The following PLCB1 variants were observed in gnomAD, a reference collection of about 807,000 sequenced individuals.
PLCB1 encodes the protein 1-phosphatidylinositol 4,5-bisphosphate phosphodiesterase beta-1.
A neutral mutation model predicts 161.8 loss-of-function variants in PLCB1; 46 were observed. The observed-to-expected ratio is 0.28, with a 90% CI of 0.22 to 0.36. The LOEUF is 0.36. Among genes scored for constraint, PLCB1 ranks in the 10% least tolerant of loss-of-function variants. The pLI is 1.00. For synonymous variants in PLCB1, 517 were observed against 503.7 expected (o/e 1.03, Z -0.35); for missense variants, 1,016 against 1,472.5 (o/e 0.69, Z 5.07).
chr20:8,542,967 G>C (rs1985391335), intron 3 of PLCB1, among the ~76,000 whole-genome samples: 1 of 152,180 alleles, frequency 6.6e-6, no homozygotes, highest in Non-Finnish European at 1.5e-5. Context: ...TTATGTGGCA[G>C]GCCATATCAA....
chr20:8,183,209 A>G (rs2051865855), intron 2 of PLCB1, among the ~76,000 whole-genome samples: 1 of 152,190 alleles, frequency 6.6e-6, no homozygotes, highest in African/African-American at 2.4e-5. Context: ...TCTTTCCTTC[A>G]GGGTTCCAGT....
At chr20:8,359,462 A>C (rs1343938988) in intron 2 of PLCB1, among the ~76,000 whole-genome samples, 1 of 152,190 alleles carries the variant, frequency 6.6e-6, no homozygotes, top group Non-Finnish European at 1.5e-5. Context: ...ATTTCTTTTT[A>C]GCTATGGGTA....
chr20:8,378,173 C>T (rs1987151561), intron 3 of PLCB1, among the ~76,000 whole-genome samples: 2 of 152,108 alleles, frequency 1.3e-5, no homozygotes, highest in Non-Finnish European at 2.9e-5. Context: ...ATTGTTTAGC[C>T]CTAAAACAGA....
intron 2 of PLCB1, among the ~76,000 whole-genome samples, chr20:8,224,477 C>T (rs2876128): frequency 0.19 from 28,696 of 151,984 alleles, 2,821 homozygotes; most frequent in African/African-American, 0.23. Context: ...ATTGAGACTA[C>T]ATTTTGAAAT....
chr20:8,745,854 AT>A (rs1981142786), intron 23 of PLCB1, among the ~76,000 whole-genome samples: 1 of 152,170 alleles, frequency 6.6e-6, no homozygotes, highest in African/African-American at 2.4e-5. Flanking sequence ...AAGAAATAAA[AT>A]TTTAAAACCC....
At chr20:8,729,294 A>T (rs1159008764) in intron 18 of PLCB1, 120 bp downstream of exon 18, 55 of 886,996 alleles carry the variant, frequency 6.2e-5, no homozygotes, top group Non-Finnish European at 8.3e-5. Flanking sequence ...AAATAAAAGC[A>T]AATTTCAATG....
intron 4 of PLCB1, among the ~76,000 whole-genome samples, chr20:8,639,163 T>C (rs952596700): frequency 2.0e-5 from 3 of 152,166 alleles, no homozygotes; most frequent in Non-Finnish European, 2.9e-5. Flanking sequence ...GAAGGGGCTG[T>C]CTGCAAAGAG....
chr20:8,544,949 AT>A lies in PLCB1; in HGVS notation c.247-83338del, dbSNP rs369358355. On this transcript the variant is annotated intron_variant, in intron 3 of 31. Transcript: ENST00000338037. ...CTTTTACATTCTTGTATCCAGTAAC[AT>A]TTTTTTGAGCATCTGCTACTGAGTG... 4.3e-4 allele frequency among the ~76,000 whole-genome samples: 65 copies of A among 152,282 alleles called. 3 individuals are homozygous for A. In the East Asian group the frequency reaches 0.012, roughly 29 times the overall value.
intron 2 of PLCB1, among the ~76,000 whole-genome samples, chr20:8,290,354 G>A (rs1162187431): frequency 2.6e-5 from 4 of 152,158 alleles, no homozygotes; most frequent in Non-Finnish European, 5.9e-5. Flanking sequence ...AAGTGAGACA[G>A]GGAGAGGAGG....
At chr20:8,228,465 C>T (rs1029580077) in intron 2 of PLCB1, among the ~76,000 whole-genome samples, 15 of 152,174 alleles carry the variant, frequency 9.9e-5, no homozygotes, top group South Asian at 4.1e-4. Context: ...TGCATCCCCA[C>T]CCCCGCATTT....
intron 31 of PLCB1, among the ~76,000 whole-genome samples, chr20:8,845,591 C>G (rs1203492959): frequency 6.6e-6 from 1 of 152,140 alleles, no homozygotes; most frequent in Non-Finnish European, 1.5e-5. Flanking sequence ...ACAGAAAGTT[C>G]TATTGGGTCG....
At chr20:8,774,789 G>A (rs1982865657) in intron 27 of PLCB1, 70 bp downstream of exon 27, 2 of 1,354,064 alleles carry the variant, frequency 1.5e-6, no homozygotes, top group South Asian at 2.9e-5. Context: ...GGATACTTTT[G>A]GATAACTAAA....
At chr20:8,404,563 T>G (rs1978704231) in intron 3 of PLCB1, among the ~76,000 whole-genome samples, 2 of 152,222 alleles carry the variant, frequency 1.3e-5, no homozygotes, top group South Asian at 4.1e-4. Flanking sequence ...CTTGGAAAAC[T>G]AATATTTCAA....
intron 12 of PLCB1, among the ~76,000 whole-genome samples, chr20:8,713,462 CGT>C (rs951498425): frequency 6.6e-6 from 1 of 152,162 alleles, no homozygotes; most frequent in Non-Finnish European, 1.5e-5. Context: ...GGATTACAGA[CGT>C]GAGCCACCAT....
intron 31 of PLCB1, among the ~76,000 whole-genome samples, chr20:8,869,377 G>A (rs2146322901): frequency 6.6e-6 from 1 of 152,234 alleles, no homozygotes; most frequent in Non-Finnish European, 1.5e-5. Context: ...GGCCCCATAA[G>A]GAGAAAGTAT....
At chr20:8,583,486 C>A (rs181185462) in intron 3 of PLCB1, among the ~76,000 whole-genome samples, 60 of 152,290 alleles carry the variant, frequency 3.9e-4, no homozygotes, top group Non-Finnish European at 1.3e-4. Context: ...GGGAATCTAA[C>A]CTAACACAGT....
At chr20:8,451,859 T>C (rs1274093205) in intron 3 of PLCB1, among the ~76,000 whole-genome samples, 1 of 151,946 alleles carries the variant, frequency 6.6e-6, no homozygotes, top group South Asian at 2.1e-4. Flanking sequence ...CTCCCTCTTC[T>C]TCTTTCTTCC....
rs1983596244 is a variant in PLCB1, at chr20:8,788,483, G to T, written c.3146G>T (p.Cys1049Phe). 6.2e-7 allele frequency: 1 copy of T among 1,613,672 alleles called. No homozygotes were observed. The highest frequency in any genetic ancestry group is 1.1e-5 in the South Asian group (1 of 90,984). The change falls in exon 28 of 32, where the codon TGT (cysteine) becomes TTT (phenylalanine). Residue 1049 changes from cysteine to phenylalanine, a missense_variant. Physicochemically the swap from Cys to Phe is radical, Grantham distance 205 (BLOSUM62 -2). Transcript: ENST00000338037. ...IQKLTDVAEE[C>F]QNNQLKKLKE... is the part of the protein sequence containing the mutation. ...AAGTTGACGGATGTCGCAGAAGAGTGTCAGAACAATCAGTTAAAGAAGCTC... is the reference window on the plus strand; with the variant it reads ...AAGTTGACGGATGTCGCAGAAGAGTTTCAGAACAATCAGTTAAAGAAGCTC...
intron 3 of PLCB1, among the ~76,000 whole-genome samples, chr20:8,491,442 C>G (rs1319448059): frequency 6.6e-6 from 1 of 152,096 alleles, no homozygotes; most frequent in Non-Finnish European, 1.5e-5. Flanking sequence ...TTCAAGGACT[C>G]TAATGACTTT....
Sources: allele counts gnomAD v4.1 joint callset (sites outside exome capture counted in the v4.1 genomes callset), GRCh38; gene constraint gnomAD v4.1.1; transcripts MANE v1.5; gene names NCBI Gene and HGNC (gene_info 2026-07-23, HGNC 2026-07-21).